The following CRMP1 variants were observed in gnomAD, a reference collection of about 807,000 sequenced individuals.
CRMP1 encodes collapsin response mediator protein 1.
A neutral mutation model predicts 68.3 loss-of-function variants in CRMP1; 19 were observed. The ratio of observed to expected loss-of-function variants is 0.28; its 90% CI spans 0.19 to 0.41. The LOEUF is 0.41. Ranked by LOEUF, CRMP1 falls within the 10% of genes least tolerant of loss-of-function variation. CRMP1 has a pLI of 1.00. For synonymous variants in CRMP1, 439 were observed against 399.6 expected (o/e 1.10, Z -1.18); for missense variants, 791 against 967.4 (o/e 0.82, Z 2.42).
At position 5,825,774 on chromosome 4, in the gene CRMP1, A is replaced by T; in HGVS notation, c.1804-115T>A. 2 of 975,730 alleles carry T rather than the reference A, an allele frequency of 2.0e-6. No individual in the cohort carries two copies. The highest frequency in any genetic ancestry group is 2.6e-5 in the East Asian group (1 of 37,832). The allele number at this position is 975,730 out of a possible 1,614,324, so 60.4% of individuals were successfully genotyped here. On this transcript the variant is annotated intron_variant, in intron 12 of 13. Coordinates refer to ENST00000324989, the MANE Select transcript of CRMP1 (RefSeq NM_001014809.3). The surrounding 1 kb of genome is among the most constrained non-coding windows in gnomAD (Gnocchi z 4.4). ...AAACCTGAGGTCACTTCAAATGTGC[A>T]TGCACACACACACACAACACGCACA...
intron 6 of CRMP1, among the ~76,000 whole-genome samples, chr4:5,846,197 G>A (rs1460018847): frequency 2.6e-5 from 4 of 152,180 alleles, no homozygotes; most frequent in Non-Finnish European, 5.9e-5. Flanking sequence ...TCAGGAGGCT[G>A]AGGCACAAGA....
rs572139014 is a variant in CRMP1 at position 5,888,749 on chromosome 4, A to G, written c.381+3840T>C. 4.0e-5 allele frequency among the ~76,000 whole-genome samples: 6 copies of G among 151,294 alleles called. No individual in the cohort carries two copies. The highest frequency in any genetic ancestry group is 1.3e-4 in the Admixed American group (2 of 15,254). On this transcript the variant is annotated intron_variant, in intron 1 of 13. Transcript: ENST00000324989. This position sits in a 1 kb window ranked among gnomAD's most constrained non-coding sequence, Gnocchi z 6.4. Reference sequence around the variant, plus strand: ...TTCAGGGCTCCTTTAAAAGAAAAAGACGGCGCGGTCAGGGCCCGCGGGCGG... The same window carrying G: ...TTCAGGGCTCCTTTAAAAGAAAAAGGCGGCGCGGTCAGGGCCCGCGGGCGG...
Position 5,821,943 on chromosome 4 carries a change from C to CCT in CRMP1, c.1970-93_1970-92insAG. ...GCCATGTACTCTGCCATGCACTCCA[C>CCT]TGGACCCACCTTCATTCAGGGCTCA... On this transcript the variant is annotated intron_variant, in intron 13 of 13. Coordinates refer to ENST00000324989, the MANE Select transcript of CRMP1 (RefSeq NM_001014809.3). The surrounding 1 kb of genome is among the most constrained non-coding windows in gnomAD (Gnocchi z 4.4). 12 of 1,141,504 alleles carry CCT rather than the reference C, an allele frequency of 1.1e-5. No homozygotes were observed. Among genetic ancestry groups the CCT allele is most frequent in the South Asian group, 1.5e-5 (1 of 67,864 alleles). The allele number at this position is 1,141,504 out of a possible 1,614,324, so 70.7% of individuals were successfully genotyped here. A position where few individuals can be genotyped will look rare whatever the true frequency, so the allele number is the denominator to read the frequency against.
chr4:5,867,365 C>G (rs980315623), intron 1 of CRMP1, among the ~76,000 whole-genome samples: 6 of 152,052 alleles, frequency 3.9e-5, no homozygotes, highest in African/African-American at 1.5e-4. Flanking sequence ...CAATGTCATT[C>G]GTTTGTTGAA....
chr4:5,892,077 C>T lies in CRMP1; in HGVS notation c.381+512G>A, dbSNP rs910417771. ...ATGAGGGGAGCGCTCGGAAAAAAAG[C>T]TCCTTCCAGCTTTAAGCTGTGTGGC... On this transcript the variant is annotated intron_variant, in intron 1 of 13. Transcript: ENST00000324989. The surrounding 1 kb of genome is among the most constrained non-coding windows in gnomAD (Gnocchi z 8.6). Among the ~76,000 whole-genome samples the T allele has an allele frequency of 1.3e-5, 2 of 152,192 alleles. No homozygotes were observed. Among genetic ancestry groups the T allele is most frequent in the African/African-American group, 4.8e-5 (2 of 41,460 alleles).
chr4:5,835,795 C>T, intron 11 of CRMP1, 120 bp downstream of exon 11: 1 of 1,178,516 alleles, frequency 8.5e-7, no homozygotes. Context: ...ATGACTGAGT[C>T]AGGCTAGATA....
chr4:5,887,457 G>A lies in CRMP1; in HGVS notation c.381+5132C>T, dbSNP rs867187919. ...ACGCTGATGCCAGGCAGGAACTGGGGCGGAGGGCCAGCTCCTGACCGCTGC... is the reference window on the plus strand; with the variant it reads ...ACGCTGATGCCAGGCAGGAACTGGGACGGAGGGCCAGCTCCTGACCGCTGC... On this transcript the variant is annotated intron_variant, in intron 1 of 13. Coordinates refer to ENST00000324989, the MANE Select transcript of CRMP1 (RefSeq NM_001014809.3). The A allele has an allele frequency of 2.4e-5, 24 of 985,390 alleles. No individual in the cohort carries two copies. In the South Asian group the frequency reaches 3.3e-4, roughly 14 times the overall value. 61.0% of individuals were successfully genotyped at this position (985,390 alleles called of 1,614,324 possible). A position where few individuals can be genotyped will look rare whatever the true frequency, so the allele number is the denominator to read the frequency against.
chr4:5,884,179 C>A (rs1715409436), intron 1 of CRMP1, among the ~76,000 whole-genome samples: 1 of 152,190 alleles, frequency 6.6e-6, no homozygotes, highest in African/African-American at 2.4e-5. Context: ...CATGACAAAT[C>A]ACTGTGGACA....
In CRMP1 at chr4:5,870,514, TTG is replaced by T. The variant is rs966076825; in HGVS notation, c.382-3760_382-3759del. ...GTGAGCTCCACGGAGGCAACGGACT[TTG>T]TCCGTTTTCTTCACTGCTGTCTCTC... On this transcript the variant is annotated intron_variant, in intron 1 of 13. Coordinates refer to ENST00000324989, the MANE Select transcript of CRMP1 (RefSeq NM_001014809.3). The surrounding 1 kb of genome is among the most constrained non-coding windows in gnomAD (Gnocchi z 6.0). 2.0e-5 allele frequency among the ~76,000 whole-genome samples: 3 copies of T among 152,218 alleles called. No individual in the cohort carries two copies. Among genetic ancestry groups the T allele is most frequent in the Non-Finnish European group, 4.4e-5 (3 of 68,038 alleles).
At chr4:5,857,661 C>T (rs1389098216) in intron 3 of CRMP1, among the ~76,000 whole-genome samples, 1 of 152,136 alleles carries the variant, frequency 6.6e-6, no homozygotes, top group East Asian at 1.9e-4. Flanking sequence ...AAACTTGAGG[C>T]TCAAAGAGGG....
At chr4:5,827,828 T>C (rs562704438) in intron 12 of CRMP1, among the ~76,000 whole-genome samples, 12 of 152,102 alleles carry the variant, frequency 7.9e-5, no homozygotes, top group Non-Finnish European at 1.6e-4. Flanking sequence ...AGGGCCTGGC[T>C]GGGGAAGATG....
rs1024707261 is a variant in CRMP1 at position 5,828,562 on chromosome 4, T to G, written c.1730A>C (p.Lys577Thr). ...VFEDGNINVN[K>T]GMGRFIPRKA... is the part of the protein sequence containing the mutation. Reference sequence around the variant, plus strand: ...CCGCGGAATGAAGCGGCCCATGCCCTTGTTGACGTTGATGTTTCCGTCTTC... The same window carrying G: ...CCGCGGAATGAAGCGGCCCATGCCCGTGTTGACGTTGATGTTTCCGTCTTC... The change falls in exon 12 of 14, where the codon AAG (lysine) becomes ACG (threonine). Residue 577 changes from lysine (K) to threonine (T), a missense_variant. Lys to Thr is a moderately conservative substitution (Grantham distance 78). Around this residue, in one of 3 missense-constraint regions of CRMP1, gnomAD observed 594 missense variants for 763.6 expected, o/e 0.78. Coordinates refer to ENST00000324989, the MANE Select transcript of CRMP1 (RefSeq NM_001014809.3). 6.2e-7 allele frequency: 1 copy of G among 1,614,208 alleles called. No homozygotes were observed. Among genetic ancestry groups the G allele is most frequent in the Non-Finnish European group, 8.5e-7 (1 of 1,180,032 alleles).
Position 5,850,322 on chromosome 4 carries a change from G to C in CRMP1, c.883-850C>G, listed in dbSNP as rs1373482579. On this transcript the variant is annotated intron_variant, in intron 5 of 13. Transcript: ENST00000324989. The surrounding 1 kb of genome is among the most constrained non-coding windows in gnomAD (Gnocchi z 4.4). Reference sequence around the variant, plus strand: ...TCCATCCATGCCCATGGCTCCAGTAGTTAGAATGAAACAGGTGAAAATCAC... The same window carrying C: ...TCCATCCATGCCCATGGCTCCAGTACTTAGAATGAAACAGGTGAAAATCAC... 6.6e-6 allele frequency among the ~76,000 whole-genome samples: 1 copy of C among 152,168 alleles called. No individual in the cohort carries two copies. The highest frequency in any genetic ancestry group is 1.9e-4 in the East Asian group (1 of 5,178).
In CRMP1 at chr4:5,888,845, G is replaced by A. The variant is rs974861486; in HGVS notation, c.381+3744C>T. On this transcript the variant is annotated intron_variant, in intron 1 of 13. Coordinates refer to ENST00000324989, the MANE Select transcript of CRMP1 (RefSeq NM_001014809.3). This position sits in a 1 kb window ranked among gnomAD's most constrained non-coding sequence, Gnocchi z 6.4. Reference sequence around the variant, plus strand: ...CTGCGGGGGTGTGGGGGGAGGGAGTGTGGGACGGGGGCCAAGGATCGGCCC... The same window carrying A: ...CTGCGGGGGTGTGGGGGGAGGGAGTATGGGACGGGGGCCAAGGATCGGCCC... Among the ~76,000 whole-genome samples the A allele has an allele frequency of 4.0e-5, 6 of 151,878 alleles. No homozygotes were observed. Among genetic ancestry groups the A allele is most frequent in the African/African-American group, 1.5e-4 (6 of 41,338 alleles).
intron 1 of CRMP1, among the ~76,000 whole-genome samples, chr4:5,887,018 C>T (rs1577853044): frequency 6.6e-6 from 1 of 152,178 alleles, no homozygotes; most frequent in Non-Finnish European, 1.5e-5. Context: ...AGAGCTGGGG[C>T]GGATGCAGGA....
intron 1 of CRMP1, among the ~76,000 whole-genome samples, chr4:5,869,922 G>A (rs1714325014): frequency 6.6e-6 from 1 of 152,136 alleles, no homozygotes; most frequent in Admixed American, 6.5e-5. Context: ...GGCCATCTGA[G>A]GAAGTGCACA....
rs1351972017 is a variant in CRMP1, at chr4:5,888,320, G to A, written c.381+4269C>T. ...GCTGACCTGCGGGGCTGTCTGACTG[G>A]AACCGGCGCTCTCGGCCCCGCTCCC... On this transcript the variant is annotated intron_variant, in intron 1 of 13. Coordinates refer to ENST00000324989, the MANE Select transcript of CRMP1 (RefSeq NM_001014809.3). This position sits in a 1 kb window ranked among gnomAD's most constrained non-coding sequence, Gnocchi z 6.4. 8.0e-7 allele frequency: 1 copy of A among 1,244,502 alleles called. No homozygotes were observed. Among genetic ancestry groups the A allele is most frequent in the Admixed American group, 4.2e-5 (1 of 23,814 alleles). 77.1% of individuals were successfully genotyped at this position (1,244,502 alleles called of 1,614,324 possible).
chr4:5,853,531 G>C lies in CRMP1; in HGVS notation c.821-2062C>G, dbSNP rs1026500553. On this transcript the variant is annotated intron_variant, in intron 4 of 13. Coordinates refer to ENST00000324989, the MANE Select transcript of CRMP1 (RefSeq NM_001014809.3). This position sits in a 1 kb window ranked among gnomAD's most constrained non-coding sequence, Gnocchi z 4.7. ...CAGCCACCTCTATGGGGAACAGTAC[G>C]GAGGCTCCTCACAAAACTAAGAACT... is the stretch of plus-strand genomic sequence containing the variant. Among the ~76,000 whole-genome samples, 1 of 152,154 alleles carries C rather than the reference G, an allele frequency of 6.6e-6. No homozygotes were observed. The highest frequency in any genetic ancestry group is 6.5e-5 in the Admixed American group (1 of 15,282).
At chr4:5,857,084 CCATT>C (rs1195496129) in intron 3 of CRMP1, among the ~76,000 whole-genome samples, 8 of 122,394 alleles carry the variant, frequency 6.5e-5, no homozygotes, top group African/African-American at 2.1e-4. Flanking sequence ...ACCACCACCA[CCATT>C]ATCACTAACA....
Sources: allele counts gnomAD v4.1 joint callset (sites outside exome capture counted in the v4.1 genomes callset), GRCh38; gene constraint gnomAD v4.1.1; regional missense constraint gnomAD v4.1.1; non-coding constraint Gnocchi (gnomAD v3.1); transcripts MANE v1.5; gene names NCBI Gene and HGNC (gene_info 2026-07-23, HGNC 2026-07-21).